CCBE1: variants seen among roughly 807,000 people sequenced by gnomAD.
CCBE1 encodes collagen and calcium-binding EGF domain-containing protein 1.
In CCBE1, 37 loss-of-function variants were observed where a neutral mutation model predicts 50.0. That is an observed-to-expected ratio of 0.74 (90% CI 0.57 to 0.97). CCBE1 has a LOEUF of 0.97. CCBE1 is among the 50% of genes least tolerant of loss of function. CCBE1 has a pLI of 0.00. For synonymous variants in CCBE1, 234 were observed against 203.7 expected (o/e 1.15, Z -1.27); for missense variants, 538 against 523.8 (o/e 1.03, Z -0.26).
At chr18:59,599,069 A>G (rs192846981) in intron 2 of CCBE1, among the ~76,000 whole-genome samples, 1 of 152,144 alleles carries the variant, frequency 6.6e-6, no homozygotes. Flanking sequence ...CTTCTTCGTT[A>G]ATCAACCCAC....
At position 59,531,886 on chromosome 18, in the gene CCBE1, T is replaced by A. The variant is rs902585289; in HGVS notation, c.213-51648A>T. ...GACCGAAACAAGTAGAAGCATCAAC[T>A]ATTGTGAAGATCAGCCTCAATTTAA... is the stretch of plus-strand genomic sequence containing the variant. On this transcript the variant is annotated intron_variant, in intron 2 of 10. Transcript: ENST00000439986. Among the ~76,000 whole-genome samples the A allele has an allele frequency of 2.2e-4, 34 of 152,186 alleles. 1 individual carries two copies. Among genetic ancestry groups the A allele is most frequent in the African/African-American group, 8.2e-4 (34 of 41,444 alleles).
chr18:59,484,139 C>T (rs1912703789), intron 2 of CCBE1, among the ~76,000 whole-genome samples: 1 of 152,160 alleles, frequency 6.6e-6, no homozygotes, highest in South Asian at 2.1e-4. Flanking sequence ...AAAGTTCAAG[C>T]TCCTAACAAC....
At chr18:59,624,109 GA>G (rs1237596308) in intron 2 of CCBE1, among the ~76,000 whole-genome samples, 1 of 152,222 alleles carries the variant, frequency 6.6e-6, no homozygotes, top group African/African-American at 2.4e-5. Flanking sequence ...TGCAATTTAA[GA>G]AGACATCTAG....
rs142387954 is a variant in CCBE1, at chr18:59,460,447, A to C, written c.554-5496T>G. Among the ~76,000 whole-genome samples the C allele has an allele frequency of 3.8e-3, 577 of 152,372 alleles. 3 individuals are homozygous for C. The highest frequency in any genetic ancestry group is 0.013 in the African/African-American group (546 of 41,582). ...TAACGAAATATTGAGCTTACTAATT[A>C]GTCCAAAACAGATGAAAATGCTTAT... On this transcript the variant is annotated intron_variant, in intron 5 of 10. Coordinates refer to ENST00000439986, the MANE Select transcript of CCBE1 (RefSeq NM_133459.4).
intron 3 of CCBE1, among the ~76,000 whole-genome samples, chr18:59,477,205 G>A (rs1467422085): frequency 6.6e-6 from 1 of 152,232 alleles, no homozygotes; most frequent in Non-Finnish European, 1.5e-5. Context: ...CCACAACAGA[G>A]GGAAGGAAGA....
rs75141357 is a variant in CCBE1 at position 59,447,485 on chromosome 18, G to A, written c.775+498C>T. ...TACATGTCATTTGTATGTCAATACAGTTGACTTGTAAAAACATATAGCTAG... is the reference window on the plus strand; with the variant it reads ...TACATGTCATTTGTATGTCAATACAATTGACTTGTAAAAACATATAGCTAG... On this transcript the variant is annotated intron_variant, in intron 7 of 10. Transcript: ENST00000439986. Among the ~76,000 whole-genome samples, 1,446 of 152,304 alleles carry A rather than the reference G, an allele frequency of 9.5e-3. 80 individuals carry two copies. The East Asian group carries it at 0.16, about 16-fold the overall frequency.
chr18:59,554,883 T>C (rs997177748), intron 2 of CCBE1, among the ~76,000 whole-genome samples: 2 of 152,218 alleles, frequency 1.3e-5, no homozygotes, highest in Non-Finnish European at 2.9e-5. Flanking sequence ...AGCCACTACC[T>C]GCAAATGTAC....
chr18:59,657,463 C>G (rs936046047), intron 2 of CCBE1, among the ~76,000 whole-genome samples: 7 of 152,262 alleles, frequency 4.6e-5, no homozygotes, highest in Non-Finnish European at 8.8e-5. Context: ...TTTCTTTGCA[C>G]ACAGTGCACC....
chr18:59,560,669 G>A (rs2052722749), intron 2 of CCBE1, among the ~76,000 whole-genome samples: 1 of 152,150 alleles, frequency 6.6e-6, no homozygotes, highest in Admixed American at 6.5e-5. Context: ...GTGTGTTCAT[G>A]AGTAACCACT....
At chr18:59,470,472 G>A (rs1162626737) in intron 3 of CCBE1, among the ~76,000 whole-genome samples, 4 of 152,240 alleles carry the variant, frequency 2.6e-5, no homozygotes, top group Admixed American at 6.5e-5. Flanking sequence ...TAAGAGGGCC[G>A]ATGCTTATGT....
chr18:59,639,174 G>A (rs1599089341), intron 2 of CCBE1, among the ~76,000 whole-genome samples: 1 of 152,308 alleles, frequency 6.6e-6, no homozygotes, highest in Non-Finnish European at 1.5e-5. Flanking sequence ...GGAGGCTGAG[G>A]TGGGAGAATG....
At chr18:59,537,860 G>C (rs1915314202) in intron 2 of CCBE1, among the ~76,000 whole-genome samples, 1 of 152,206 alleles carries the variant, frequency 6.6e-6, no homozygotes, top group Non-Finnish European at 1.5e-5. Flanking sequence ...CCTTGAGCAA[G>C]TCACTTAACC....
At chr18:59,611,271 TAGAGAGA>T (rs1372314993) in intron 2 of CCBE1, among the ~76,000 whole-genome samples, 1 of 152,168 alleles carries the variant, frequency 6.6e-6, no homozygotes, top group Non-Finnish European at 1.5e-5. Flanking sequence ...CAGCCAGGAC[TAGAGAGA>T]AAAGAAAGGA....
chr18:59,688,877 C>T (rs1052190859), intron 2 of CCBE1, among the ~76,000 whole-genome samples: 4 of 152,024 alleles, frequency 2.6e-5, no homozygotes, highest in African/African-American at 9.7e-5. Flanking sequence ...AGTAAGTGAC[C>T]GTCCCAAGGT....
chr18:59,445,510 C>T (rs1910630569), intron 7 of CCBE1, among the ~76,000 whole-genome samples: 1 of 152,166 alleles, frequency 6.6e-6, no homozygotes, highest in South Asian at 2.1e-4. Context: ...AGAGCAGTGA[C>T]AAGATGGAAT....
At chr18:59,572,606 T>C (rs2052929755) in intron 2 of CCBE1, among the ~76,000 whole-genome samples, 1 of 152,224 alleles carries the variant, frequency 6.6e-6, no homozygotes, top group Non-Finnish European at 1.5e-5. Context: ...TGTCAAAATA[T>C]ATAAATCAGT....
chr18:59,638,903 C>T (rs547543878), intron 2 of CCBE1, among the ~76,000 whole-genome samples: 1 of 152,154 alleles, frequency 6.6e-6, no homozygotes, highest in Non-Finnish European at 1.5e-5. Flanking sequence ...AGTAGATCTA[C>T]ACTATGTTCA....
intron 2 of CCBE1, among the ~76,000 whole-genome samples, chr18:59,628,022 G>C (rs2053808978): frequency 6.6e-6 from 1 of 152,132 alleles, no homozygotes. Flanking sequence ...AGACCAGCCT[G>C]GGCAACATAA....
intron 2 of CCBE1, among the ~76,000 whole-genome samples, chr18:59,501,586 C>A (rs193117613): frequency 1.6e-4 from 24 of 152,300 alleles, no homozygotes; most frequent in Admixed American, 1.4e-3. Context: ...CTCCTGGAAG[C>A]CTTTCCTGAA....
Sources: allele counts gnomAD v4.1 joint callset (sites outside exome capture counted in the v4.1 genomes callset), GRCh38; gene constraint gnomAD v4.1.1; transcripts MANE v1.5; gene names NCBI Gene and HGNC (gene_info 2026-07-23, HGNC 2026-07-21).